PCDH19: variants seen among roughly 807,000 people sequenced by gnomAD.
PCDH19 encodes the protein protocadherin 19, also known as protocadherin-19.
In PCDH19, 6 loss-of-function variants were observed where a neutral mutation model predicts 46.2. The observed-to-expected ratio is 0.13, with a 90% CI of 0.07 to 0.26. The LOEUF (loss-of-function observed/expected upper bound fraction) is 0.26, where lower values mean the gene tolerates loss of function less well. Among genes scored for constraint, PCDH19 ranks in the 10% least tolerant of loss-of-function variants. The probability of loss-of-function intolerance (pLI) is 1.00; values close to 1 mark genes in which losing one functional copy is unlikely to be tolerated. For missense variants in PCDH19, 740 were observed against 972.3 expected (o/e 0.76, Z 3.18); for synonymous variants, 481 against 415.7 (o/e 1.16, Z -1.91).
At chrX:100,320,956 TCC>T (rs993307547) in intron 5 of PCDH19, among the ~76,000 whole-genome samples, 1 of 104,966 alleles carries the variant, frequency 9.5e-6, no homozygotes, top group Non-Finnish European at 1.9e-5. Flanking sequence ...TCCCCCCAAG[TCC>T]CCAAAGTCCA....
chrX:100,301,048 G>C (rs1470996199), intron 5 of PCDH19, among the ~76,000 whole-genome samples: 1 of 111,447 alleles, frequency 9.0e-6, no homozygotes, highest in Non-Finnish European at 1.9e-5. Flanking sequence ...ATGCTATTTT[G>C]TGCAGATAAT....
At position 100,350,658 on chromosome X, in the gene PCDH19, T is replaced by C; in HGVS notation, c.2663A>G (p.His888Arg). 1 of 1,189,642 alleles carries C rather than the reference T, an allele frequency of 8.4e-7. No homozygotes were observed. The highest frequency in any genetic ancestry group is 1.1e-6 in the Non-Finnish European group (1 of 875,129). Reference sequence around the variant, plus strand: ...CAAACCAACATACCTCTTGATTAAATGGGCTCGGCTATTCACGTAGTTGGA... The same window carrying C: ...CAAACCAACATACCTCTTGATTAAACGGGCTCGGCTATTCACGTAGTTGGA... ...FDSNYVNSRA[H>R]LIKSSSTFKD... Residue 888 changes from histidine (H) to arginine (R), a missense_variant, in exon 4 of 6, where the codon CAT (histidine) becomes CGT (arginine). Physicochemically the swap from His to Arg is conservative, Grantham distance 29. Around this residue, in one of 5 missense-constraint regions of PCDH19, gnomAD observed 416 missense variants for 476.8 expected, o/e 0.87. Transcript: ENST00000373034.
At chrX:100,325,190 T>C (rs1255914267) in intron 5 of PCDH19, among the ~76,000 whole-genome samples, 2 of 109,151 alleles carry the variant, frequency 1.8e-5, no homozygotes, top group African/African-American at 6.7e-5. Context: ...CTTTGATTAT[T>C]GGTCTTATCA....
chrX:100,323,307 TA>T (rs1925578817), intron 5 of PCDH19, among the ~76,000 whole-genome samples: 1 of 111,556 alleles, frequency 9.0e-6, no homozygotes, highest in African/African-American at 3.3e-5. Context: ...TTTACTGCTA[TA>T]ATCTGCTGCT....
At chrX:100,370,983 G>C (rs1236315689) in intron 3 of PCDH19, among the ~76,000 whole-genome samples, 1 of 81,164 alleles carries the variant, frequency 1.2e-5, no homozygotes, top group Non-Finnish European at 2.4e-5. Context: ...GAATACAACA[G>C]TGTGTGTGCA....
chrX:100,309,409 A>G (rs1280652507), intron 5 of PCDH19, among the ~76,000 whole-genome samples: 2 of 111,386 alleles, frequency 1.8e-5, no homozygotes, highest in Non-Finnish European at 3.8e-5. Context: ...GTGAGAGATA[A>G]AAGACTGCAC....
At chrX:100,398,190 T>G (rs1928079735) in intron 3 of PCDH19, among the ~76,000 whole-genome samples, 1 of 112,110 alleles carries the variant, frequency 8.9e-6, no homozygotes, top group Non-Finnish European at 1.9e-5. Flanking sequence ...ATCCTCCACT[T>G]TGCCCCTCAA....
intron 3 of PCDH19, among the ~76,000 whole-genome samples, chrX:100,355,948 G>A (rs1026315306): frequency 1.8e-5 from 2 of 110,457 alleles, no homozygotes; most frequent in African/African-American, 6.6e-5. Flanking sequence ...AAGAGTGACT[G>A]CAGCTCTCTC....
intron 5 of PCDH19, among the ~76,000 whole-genome samples, chrX:100,298,059 G>A (rs921955667): frequency 6.3e-5 from 7 of 110,336 alleles, no homozygotes; most frequent in African/African-American, 2.3e-4. Flanking sequence ...TTTGCAGGGG[G>A]AAGATGTCTG....
At chrX:100,318,652 T>C (rs975255946) in intron 5 of PCDH19, among the ~76,000 whole-genome samples, 2 of 111,811 alleles carry the variant, frequency 1.8e-5, no homozygotes, top group African/African-American at 6.5e-5. Context: ...TTGAAATAAT[T>C]AGGATTTTGG....
chrX:100,327,438 G>T (rs937287449), intron 5 of PCDH19, among the ~76,000 whole-genome samples: 5 of 112,045 alleles, frequency 4.5e-5, no homozygotes, highest in Admixed American at 3.8e-4. Flanking sequence ...TGTATTTACA[G>T]GCAGACTAAT....
intron 3 of PCDH19, among the ~76,000 whole-genome samples, chrX:100,390,547 A>G (rs762748864): frequency 9.9e-5 from 11 of 111,610 alleles, no homozygotes; most frequent in Non-Finnish European, 2.1e-4. Context: ...CACCGACTGC[A>G]CCTTCCCCTG....
At chrX:100,398,334 T>C (rs1190579268) in intron 3 of PCDH19, among the ~76,000 whole-genome samples, 1 of 112,227 alleles carries the variant, frequency 8.9e-6, no homozygotes, top group East Asian at 2.8e-4. Context: ...TCTTGATTAG[T>C]GTTCCATTCC....
chrX:100,362,609 C>T (rs1339023414), intron 3 of PCDH19, among the ~76,000 whole-genome samples: 3 of 106,861 alleles, frequency 2.8e-5, no homozygotes, highest in East Asian at 5.9e-4. Context: ...CTGGCTAATA[C>T]GGTGAAACCC....
intron 3 of PCDH19, among the ~76,000 whole-genome samples, chrX:100,385,599 T>C (rs544693510): frequency 1.8e-5 from 2 of 112,138 alleles, no homozygotes; most frequent in South Asian, 3.7e-4. Context: ...TCTAATGACA[T>C]AGAAAAAAAT....
chrX:100,345,995 C>T (rs1199336129), intron 4 of PCDH19, among the ~76,000 whole-genome samples: 1 of 112,306 alleles, frequency 8.9e-6, no homozygotes, highest in Non-Finnish European at 1.9e-5. Context: ...ATTTCACTTG[C>T]TTTATTACCT....
rs2147543662 is a variant in PCDH19 at position 100,408,947 on chromosome X, G to A, written c.-350C>T. 1 of 113,131 alleles carries A rather than the reference G, an allele frequency of 8.8e-6. No homozygotes were observed. Among genetic ancestry groups the A allele is most frequent in the African/African-American group, 3.2e-5 (1 of 31,126 alleles). 9.3% of individuals were successfully genotyped at this position (113,131 alleles called of 1,213,427 possible). A position where few individuals can be genotyped will look rare whatever the true frequency, so the allele number is the denominator to read the frequency against. On this transcript the variant is annotated 5_prime_UTR_variant, in exon 1 of 6. Transcript: ENST00000373034. ...CTGTCGGCAGCCGCCCAGGGCTGCG[G>A]GTCGGGCGGCGTCTGCGCGGCCTGG...
At chrX:100,363,305 A>AG (rs1926953990) in intron 3 of PCDH19, among the ~76,000 whole-genome samples, 1 of 96,172 alleles carries the variant, frequency 1.0e-5, no homozygotes, top group Non-Finnish European at 2.1e-5. Context: ...ACTCCATCTC[A>AG]AAAAAAAAAA....
At position 100,296,002 on chromosome X, in the gene PCDH19, A is replaced by G. The variant is rs1924587290; in HGVS notation, c.*275T>C. 1.8e-5 allele frequency: 7 copies of G among 387,327 alleles called. No individual in the cohort carries two copies. Among genetic ancestry groups the G allele is most frequent in the Admixed American group, 4.4e-5 (1 of 22,974 alleles). The allele number at this position is 387,327 out of a possible 1,213,427, so 31.9% of individuals were successfully genotyped here. ...ATATATAAATTCAAACACTTAATAC[A>G]TAATACTTTTCACAACTGAATTTGT... On this transcript the variant is annotated 3_prime_UTR_variant, in exon 6 of 6. Transcript: ENST00000373034.
Sources: allele counts gnomAD v4.1 joint callset (sites outside exome capture counted in the v4.1 genomes callset), GRCh38; gene constraint gnomAD v4.1.1; regional missense constraint gnomAD v4.1.1; transcripts MANE v1.5; gene names NCBI Gene and HGNC (gene_info 2026-07-23, HGNC 2026-07-21).